Variants in AKAP7 observed in about 807,000 individuals in gnomAD.
AKAP7 encodes A kinase (PRKA) anchor protein 7.
A neutral mutation model predicts 39.5 loss-of-function variants in AKAP7; 39 were observed. The ratio of observed to expected loss-of-function variants is 0.99; its 90% CI spans 0.76 to 1.29. AKAP7 has a LOEUF of 1.29. AKAP7 is among the 50% of genes most tolerant of loss of function. The pLI, the probability that AKAP7 is intolerant of heterozygous loss-of-function variation, is 0.00. For missense variants in AKAP7, 414 were observed against 407.7 expected (o/e 1.02, Z -0.13); for synonymous variants, 140 against 139.1 (o/e 1.01, Z -0.05).
chr6:131,164,371 G>A (rs1181693297), intron 3 of AKAP7: 2 of 455,178 alleles, frequency 4.4e-6, no homozygotes, highest in Non-Finnish European at 8.8e-6. Context: ...GAGGAGGGAA[G>A]ATGCATCATT....
chr6:131,181,223 A>G (rs1209918999), intron 5 of AKAP7, among the ~76,000 whole-genome samples: 1 of 152,132 alleles, frequency 6.6e-6, no homozygotes, highest in Non-Finnish European at 1.5e-5. Context: ...GGTGTGAGCC[A>G]CCGCGCCTGG....
chr6:131,233,804 G>T (rs960720860), intron 7 of AKAP7, among the ~76,000 whole-genome samples: 1 of 152,084 alleles, frequency 6.6e-6, no homozygotes, highest in Admixed American at 6.6e-5. Flanking sequence ...TGGAGGTCTG[G>T]ATTACCTCAT....
chr6:131,209,550 C>T (rs1043862945), intron 6 of AKAP7, among the ~76,000 whole-genome samples: 6 of 151,826 alleles, frequency 4.0e-5, no homozygotes, highest in East Asian at 1.9e-4. Flanking sequence ...ACACCCAGCC[C>T]GATAAACTTC....
intron 4 of AKAP7, among the ~76,000 whole-genome samples, chr6:131,167,952 T>G (rs1257526106): frequency 6.6e-6 from 1 of 152,172 alleles, no homozygotes; most frequent in Non-Finnish European, 1.5e-5. Flanking sequence ...CCTGTATGAA[T>G]GTGCTTAGTT....
At chr6:131,141,762 A>G (rs1801047876) in intron 1 of AKAP7, among the ~76,000 whole-genome samples, 1 of 152,174 alleles carries the variant, frequency 6.6e-6, no homozygotes, top group Non-Finnish European at 1.5e-5. Flanking sequence ...GTTATTGGGA[A>G]CTGCAGTTAA....
intron 7 of AKAP7, among the ~76,000 whole-genome samples, chr6:131,243,024 G>T (rs751795178): frequency 1.2e-4 from 19 of 152,110 alleles, no homozygotes; most frequent in Non-Finnish European, 2.5e-4. Context: ...GCCAAGTGTT[G>T]GGTGTACATG....
intron 1 of AKAP7, among the ~76,000 whole-genome samples, chr6:131,143,511 C>A (rs1419316128): frequency 6.6e-6 from 1 of 152,140 alleles, no homozygotes; most frequent in African/African-American, 2.4e-5. Flanking sequence ...CAGATGCTGG[C>A]ACTGTGCTTT....
At chr6:131,180,043 A>G (rs1805001636) in intron 5 of AKAP7, among the ~76,000 whole-genome samples, 1 of 152,164 alleles carries the variant, frequency 6.6e-6, no homozygotes, top group Non-Finnish European at 1.5e-5. Context: ...GCTTCTGCTC[A>G]GTTTTCCTCA....
chr6:131,226,335 A>G (rs539586910), intron 7 of AKAP7, among the ~76,000 whole-genome samples: 2 of 152,326 alleles, frequency 1.3e-5, no homozygotes, highest in South Asian at 4.1e-4. Flanking sequence ...TGGTGGCAAC[A>G]TTCCTATTTT....
intron 6 of AKAP7, among the ~76,000 whole-genome samples, chr6:131,209,072 A>G (rs1345646755): frequency 6.6e-6 from 1 of 152,184 alleles, no homozygotes; most frequent in Non-Finnish European, 1.5e-5. Context: ...TTGTTTCCCA[A>G]CCAGACCAGC....
upstream of AKAP7, among the ~76,000 whole-genome samples, chr6:131,133,525 G>C (rs1049372336): frequency 6.6e-6 from 1 of 152,156 alleles, no homozygotes; most frequent in South Asian, 2.1e-4. Flanking sequence ...TCCTCCACAT[G>C]GTAGGTGTTG....
At chr6:131,254,528 T>C (rs998052539) in intron 7 of AKAP7, among the ~76,000 whole-genome samples, 6 of 152,252 alleles carry the variant, frequency 3.9e-5, no homozygotes, top group African/African-American at 1.4e-4. Context: ...ATTTTCTCTT[T>C]TGCTGTTGCT....
Position 131,145,399 on chromosome 6 carries a change from T to C in AKAP7, c.134T>C (p.Ile45Thr), listed in dbSNP as rs761408185. The change falls in exon 2 of 8, where the codon ATT (isoleucine) becomes ACT (threonine). Residue 45 changes from isoleucine (I) to threonine (T), a missense_variant. By Grantham distance (89) the Ile-to-Thr change is moderately conservative. Coordinates refer to ENST00000431975, the MANE Select transcript of AKAP7 (RefSeq NM_016377.4). ...LVDMPFATVD[I>T]QDDCGITDEP... ...GACATGCCATTTGCTACTGTAGATA[T>C]TCAGGATGACTGTGGAAGTAAGTAC... 74 of 1,538,450 alleles carry C rather than the reference T, an allele frequency of 4.8e-5. No homozygotes were observed. The Admixed American group carries it at 5.0e-4, about 10-fold the overall frequency.
intron 7 of AKAP7, among the ~76,000 whole-genome samples, chr6:131,260,115 C>G (rs889067635): frequency 6.6e-6 from 1 of 151,962 alleles, no homozygotes; most frequent in Admixed American, 6.6e-5. Context: ...CCATCCATGT[C>G]CCTGCAAAGG....
chr6:131,221,788 T>G (rs1809719043), intron 7 of AKAP7, among the ~76,000 whole-genome samples: 1 of 152,158 alleles, frequency 6.6e-6, no homozygotes, highest in South Asian at 2.1e-4. Context: ...GTTTACTGAG[T>G]ATTTTAACTA....
the AKAP7 span, among the ~76,000 whole-genome samples, chr6:131,125,766 G>T: frequency 1.3e-5 from 2 of 152,214 alleles, no homozygotes; most frequent in Admixed American, 1.3e-4. Flanking sequence ...AGGGAGACAA[G>T]ATGGATGAAT....
chr6:131,145,713 G>A (rs987410226), intron 2 of AKAP7, among the ~76,000 whole-genome samples: 3 of 151,876 alleles, frequency 2.0e-5, no homozygotes, highest in Admixed American at 1.3e-4. Context: ...CACCATATGT[G>A]GCTACATTTT....
At chr6:131,184,401 C>T (rs144783811) in intron 5 of AKAP7, 172 of 662,830 alleles carry the variant, frequency 2.6e-4, no homozygotes, top group Middle Eastern at 1.6e-3. Flanking sequence ...CCTCCAACTT[C>T]CTTCAGGGGG....
intron 3 of AKAP7, among the ~76,000 whole-genome samples, chr6:131,161,296 A>G (rs1802921744): frequency 6.6e-6 from 1 of 152,066 alleles, no homozygotes; most frequent in African/African-American, 2.4e-5. Flanking sequence ...GAAGAATCAT[A>G]TTCTGATTTT....
Sources: gnomAD v4.1 joint callset for allele counts (sites outside exome capture counted in the v4.1 genomes callset) on GRCh38, gnomAD v4.1.1 for gene constraint, MANE v1.5 for transcripts, NCBI Gene and HGNC (gene_info 2026-07-23, HGNC 2026-07-21) for gene names.